WNT11: variants seen among roughly 807,000 people sequenced by gnomAD.
The protein encoded by WNT11 is Wnt family member 11.
WNT11 carries 20 observed loss-of-function variants against 35.6 expected under a neutral mutation model. That is an observed-to-expected ratio of 0.56 (90% CI 0.40 to 0.82). The LOEUF is 0.82. Ranked by LOEUF, WNT11 falls within the 40% of genes least tolerant of loss-of-function variation. The pLI is 0.00. For missense variants in WNT11, 459 were observed against 504.4 expected (o/e 0.91, Z 0.86); for synonymous variants, 200 against 211.9 (o/e 0.94, Z 0.49).
At chr11:76,188,494 C>T (rs997973365) in intron 4 of WNT11, among the ~76,000 whole-genome samples, 5 of 152,262 alleles carry the variant, frequency 3.3e-5, no homozygotes, top group African/African-American at 4.8e-5. Context: ...AGACTGGTGG[C>T]TCCTCTAGCT....
chr11:76,196,806 G>A, intron 1 of WNT11, 88 bp from the exon 2 acceptor site: 1 of 1,400,652 alleles, frequency 7.1e-7, no homozygotes, highest in East Asian at 2.5e-5. Flanking sequence ...TCTGGCCCCA[G>A]CCTTTCCCTC....
At chr11:76,204,194 A>C (rs1328010418) in intron 1 of WNT11, among the ~76,000 whole-genome samples, 1 of 152,184 alleles carries the variant, frequency 6.6e-6, no homozygotes, top group Non-Finnish European at 1.5e-5. Flanking sequence ...ATACACATGC[A>C]TACACAGATC....
intron 4 of WNT11, among the ~76,000 whole-genome samples, chr11:76,190,111 T>G (rs1176113347): frequency 6.6e-6 from 1 of 151,938 alleles, no homozygotes; most frequent in Non-Finnish European, 1.5e-5. Context: ...TAAGTGCGCT[T>G]GGAGATCACT....
chr11:76,187,636 C>A (rs934382686), intron 4 of WNT11, among the ~76,000 whole-genome samples: 4 of 151,518 alleles, frequency 2.6e-5, no homozygotes, highest in Admixed American at 2.6e-4. Flanking sequence ...CAGGCACACA[C>A]CACCATGTCC....
rs376706959 is a variant in WNT11 at position 76,196,585 on chromosome 11, C to A, written c.217G>T (p.Ala73Ser). The change falls in exon 2 of 5, where the codon GCC (alanine) becomes TCC (serine). Residue 73 changes from alanine to serine, a missense_variant. Transcript: ENST00000322563. ...CGACAGGCCTTCATGACCTCGCGGG[C>A]GGCGTGCACCACCGTGTGCATGAGC... ...LELMHTVVHA[A>S]REVMKACRRA... The A allele has an allele frequency of 1.9e-6, 3 of 1,613,470 alleles. No individual in the cohort carries two copies. The African/African-American group carries it at 4.0e-5, about 22-fold the overall frequency.
In WNT11 at chr11:76,186,848, CTT is replaced by C. The variant is rs1953102737; in HGVS notation, c.*215_*216del. ...CTCAGGCTGCCAAGTTATTTTTAATCTTGTCGGTTTCCTTTGATGTCCTGCCC... is the reference window on the plus strand; with the variant it reads ...CTCAGGCTGCCAAGTTATTTTTAATCGTCGGTTTCCTTTGATGTCCTGCCC... On this transcript the variant is annotated 3_prime_UTR_variant, in exon 5 of 5. Coordinates refer to ENST00000322563, the MANE Select transcript of WNT11 (RefSeq NM_004626.3). 1 of 730,674 alleles carries C rather than the reference CTT, an allele frequency of 1.4e-6. No individual in the cohort carries two copies. Among genetic ancestry groups the C allele is most frequent in the South Asian group, 1.5e-5 (1 of 67,552 alleles). The allele number at this position is 730,674 out of a possible 1,614,324, so 45.3% of individuals were successfully genotyped here.
chr11:76,194,951 C>G lies in WNT11; in HGVS notation c.320-107G>C. 1 of 1,344,608 alleles carries G rather than the reference C, an allele frequency of 7.4e-7. No homozygotes were observed. The highest frequency in any genetic ancestry group is 9.8e-7 in the Non-Finnish European group (1 of 1,018,160). 83.3% of individuals were successfully genotyped at this position (1,344,608 alleles called of 1,614,324 possible). A position where few individuals can be genotyped will look rare whatever the true frequency, so the allele number is the denominator to read the frequency against. On this transcript the variant is annotated intron_variant, in intron 2 of 4. Transcript: ENST00000322563. This position sits in a 1 kb window ranked among gnomAD's most constrained non-coding sequence, Gnocchi z 5.4. The stretch of plus-strand genomic sequence containing the variant: ...ACACCCTGCTGTAACCAAGGTGACG[C>G]CAGCAGGGGTCGGCACTAGGGCCAT...
chr11:76,197,420 G>C (rs961231292), intron 1 of WNT11, among the ~76,000 whole-genome samples: 4 of 152,222 alleles, frequency 2.6e-5, no homozygotes, highest in African/African-American at 7.2e-5. Flanking sequence ...TTGGGCCTCA[G>C]TGTTTGTACT....
chr11:76,206,409 G>T lies in WNT11; in HGVS notation c.-2C>A, dbSNP rs757076649. The T allele has an allele frequency of 1.3e-5, 20 of 1,507,792 alleles. No individual in the cohort carries two copies. The African/African-American group carries it at 2.1e-4, about 16-fold the overall frequency. 93.4% of individuals were successfully genotyped at this position (1,507,792 alleles called of 1,614,324 possible). A position where few individuals can be genotyped will look rare whatever the true frequency, so the allele number is the denominator to read the frequency against. ...GCAGACCTGCGGCCGCGCCCTCATC[G>T]TCGCGCGGCGGGCGCGCCCGGGGTC... On this transcript the variant is annotated 5_prime_UTR_variant, in exon 1 of 5. Transcript: ENST00000322563.
In WNT11 at chr11:76,194,930, C is replaced by T. The variant is rs1186793778; in HGVS notation, c.320-86G>A. 3.5e-6 allele frequency: 5 copies of T among 1,413,012 alleles called. No homozygotes were observed. The East Asian group carries it at 1.0e-4, about 28-fold the overall frequency. The allele number at this position is 1,413,012 out of a possible 1,614,324, so 87.5% of individuals were successfully genotyped here. A position where few individuals can be genotyped will look rare whatever the true frequency, so the allele number is the denominator to read the frequency against. On this transcript the variant is annotated intron_variant, in intron 2 of 4. Transcript: ENST00000322563. The surrounding 1 kb of genome is among the most constrained non-coding windows in gnomAD (Gnocchi z 5.4). ...AGAGGTCCTCCACCTTCGCCCACACCCTGCTGTAACCAAGGTGACGCCAGC... is the reference window on the plus strand; with the variant it reads ...AGAGGTCCTCCACCTTCGCCCACACTCTGCTGTAACCAAGGTGACGCCAGC...
At chr11:76,189,956 G>T (rs1357064244) in intron 4 of WNT11, among the ~76,000 whole-genome samples, 2 of 152,164 alleles carry the variant, frequency 1.3e-5, no homozygotes, top group Non-Finnish European at 1.5e-5. Context: ...TGGGGGCTGT[G>T]AAGGAAGCCA....
rs547373868 is a variant in WNT11 at position 76,188,991 on chromosome 11, G to A, written c.891-1752C>T. 1.2e-3 allele frequency among the ~76,000 whole-genome samples: 179 copies of A among 152,310 alleles called. 1 individual carries two copies. Among genetic ancestry groups the A allele is most frequent in the African/African-American group, 3.9e-3 (164 of 41,570 alleles). On this transcript the variant is annotated intron_variant, in intron 4 of 4. Coordinates refer to ENST00000322563, the MANE Select transcript of WNT11 (RefSeq NM_004626.3). ...GGGCCATGGGCAGAAGGAGGGGAGCGCCTGGGGAGAGTCAGCCGGTGACCA... is the reference window on the plus strand; with the variant it reads ...GGGCCATGGGCAGAAGGAGGGGAGCACCTGGGGAGAGTCAGCCGGTGACCA...
chr11:76,189,691 G>A (rs908304592), intron 4 of WNT11, among the ~76,000 whole-genome samples: 1 of 152,134 alleles, frequency 6.6e-6, no homozygotes, highest in African/African-American at 2.4e-5. Context: ...GGCTGGATCA[G>A]GGACCCTCTG....
At chr11:76,207,518 G>A (rs1479444283), upstream of WNT11, among the ~76,000 whole-genome samples, 1 of 152,082 alleles carries the variant, frequency 6.6e-6, no homozygotes, top group Admixed American at 6.5e-5. Context: ...CCGGGTGTCC[G>A]GCGAAATCAG....
chr11:76,196,159 C>T (rs1202754092), intron 2 of WNT11, among the ~76,000 whole-genome samples: 1 of 152,224 alleles, frequency 6.6e-6, no homozygotes, highest in African/African-American at 2.4e-5. Flanking sequence ...CATGTGGCCT[C>T]ACGTACAGCA....
chr11:76,207,890 ACAC>A (rs1953498208), upstream of WNT11, among the ~76,000 whole-genome samples: 1 of 151,964 alleles, frequency 6.6e-6, no homozygotes, highest in South Asian at 2.1e-4. Context: ...AAATTTACCA[ACAC>A]CTGGCGTTCG....
rs990623129 is a variant in WNT11 at position 76,191,657 on chromosome 11, C to T, written c.797G>A (p.Arg266Gln). ...KHLVPKDLDIRPVKDSELVYL... is the reference protein window; with the variant it reads ...KHLVPKDLDIQPVKDSELVYL... ...GACGAGTTCCGAGTCCTTCACAGGC[C>T]GGATATCCAGGTCCTTGGGCACCAG... Residue 266 changes from arginine (R) to glutamine (Q), a missense_variant, in exon 4 of 5, where the codon CGG (arginine) becomes CAG (glutamine). Coordinates refer to ENST00000322563, the MANE Select transcript of WNT11 (RefSeq NM_004626.3). 2.7e-5 allele frequency: 44 copies of T among 1,613,924 alleles called. No individual in the cohort carries two copies. The highest frequency in any genetic ancestry group is 4.5e-5 in the East Asian group (2 of 44,900).
At chr11:76,197,473 G>A (rs1177852282) in intron 1 of WNT11, among the ~76,000 whole-genome samples, 2 of 152,196 alleles carry the variant, frequency 1.3e-5, no homozygotes, top group Non-Finnish European at 2.9e-5. Flanking sequence ...GAGACACTCT[G>A]ACAAAAGGGA....
At chr11:76,204,392 C>T (rs1953436418) in intron 1 of WNT11, among the ~76,000 whole-genome samples, 1 of 152,206 alleles carries the variant, frequency 6.6e-6, no homozygotes, top group Non-Finnish European at 1.5e-5. Context: ...TGCCTGGTTT[C>T]TCCAGGTCTC....
Sources: allele counts gnomAD v4.1 joint callset (sites outside exome capture counted in the v4.1 genomes callset), GRCh38; gene constraint gnomAD v4.1.1; non-coding constraint Gnocchi (gnomAD v3.1); transcripts MANE v1.5; gene names NCBI Gene and HGNC (gene_info 2026-07-23, HGNC 2026-07-21).